Variants in CAMTA1 observed in about 807,000 individuals in gnomAD.
The protein encoded by CAMTA1 is calmodulin-binding transcription activator 1.
A neutral mutation model predicts 170.9 loss-of-function variants in CAMTA1; 27 were observed. The observed-to-expected ratio is 0.16, with a 90% confidence interval of 0.12 to 0.22. CAMTA1 has a LOEUF of 0.22. Ranked by LOEUF, CAMTA1 falls within the 10% of genes least tolerant of loss-of-function variation. The probability of loss-of-function intolerance (pLI) is 1.00; values close to 1 mark genes in which losing one functional copy is unlikely to be tolerated. For synonymous variants in CAMTA1, 833 were observed against 891.5 expected (o/e 0.93, Z 1.17); for missense variants, 1,619 against 2,217.2 (o/e 0.73, Z 5.42).
chr1:7,311,837 G>A (rs545796820), intron 5 of CAMTA1, among the ~76,000 whole-genome samples: 4 of 152,278 alleles, frequency 2.6e-5, no homozygotes, highest in African/African-American at 9.6e-5. Context: ...CTGTGTGTGG[G>A]ACCTAGGGGC....
intron 11 of CAMTA1, among the ~76,000 whole-genome samples, chr1:7,718,256 C>T (rs147545506): frequency 2.7e-5 from 4 of 145,702 alleles, no homozygotes; most frequent in African/African-American, 1.1e-4. Context: ...ACACAGTGGG[C>T]GTTCCGTAAA....
At chr1:6,796,611 T>C (rs975862784) in intron 1 of CAMTA1, among the ~76,000 whole-genome samples, 10 of 152,244 alleles carry the variant, frequency 6.6e-5, no homozygotes, top group African/African-American at 2.4e-4. Flanking sequence ...AACTTCATTG[T>C]TTGATACTTT....
intron 5 of CAMTA1, among the ~76,000 whole-genome samples, chr1:7,453,799 G>A (rs1322448094): frequency 6.6e-6 from 1 of 152,258 alleles, no homozygotes; most frequent in Non-Finnish European, 1.5e-5. Flanking sequence ...CCTGAGGGAG[G>A]GAAGGAAAGG....
rs1226893759 is a variant in CAMTA1 at position 7,203,901 on chromosome 1, G to A, written c.303-45590G>A. Among the ~76,000 whole-genome samples the A allele has an allele frequency of 5.5e-4, 82 of 149,390 alleles. 1 individual carries two copies. The highest frequency in any genetic ancestry group is 5.3e-3 in the Admixed American group (80 of 15,004). On this transcript the variant is annotated intron_variant, in intron 4 of 22. Transcript: ENST00000303635. The stretch of plus-strand genomic sequence containing the variant: ...GGCTGGAGTGCAGTGGCGTGATCTC[G>A]GCTCACTGCAAGCTCCGCCTCCCGG...
chr1:7,569,001 C>T (rs1234701950), intron 6 of CAMTA1, among the ~76,000 whole-genome samples: 1 of 151,228 alleles, frequency 6.6e-6, no homozygotes, highest in Non-Finnish European at 1.5e-5. Context: ...TCATCATGAT[C>T]CCTATCACCA....
chr1:7,403,175 A>G (rs1360398498), intron 5 of CAMTA1, among the ~76,000 whole-genome samples: 1 of 152,134 alleles, frequency 6.6e-6, no homozygotes, highest in Non-Finnish European at 1.5e-5. Flanking sequence ...CAACATGGCA[A>G]AACCCCGTCT....
chr1:7,222,219 G>C (rs74051198), intron 4 of CAMTA1, among the ~76,000 whole-genome samples: 14,349 of 152,182 alleles, frequency 0.094, 1,951 homozygotes, highest in African/African-American at 0.3. Flanking sequence ...CATGAGCATT[G>C]TGTCAGACAG....
chr1:7,115,970 C>T (rs1644306843), intron 4 of CAMTA1, among the ~76,000 whole-genome samples: 1 of 152,200 alleles, frequency 6.6e-6, no homozygotes, highest in Non-Finnish European at 1.5e-5. Context: ...GAAGCACCCT[C>T]ATCCACACAT....
intron 5 of CAMTA1, among the ~76,000 whole-genome samples, chr1:7,366,763 G>C (rs1029109157): frequency 6.6e-6 from 1 of 152,364 alleles, no homozygotes; most frequent in South Asian, 2.1e-4. Flanking sequence ...GCGTTGACAG[G>C]AGACTGCAGG....
At position 7,752,543 on chromosome 1, in the gene CAMTA1, T is replaced by C. The variant is rs761556283; in HGVS notation, c.4958+10T>C. The C allele has an allele frequency of 1.3e-6, 2 of 1,591,548 alleles. No homozygotes were observed. Among genetic ancestry groups the C allele is most frequent in the Non-Finnish European group, 1.7e-6 (2 of 1,168,500 alleles). On this transcript the variant is annotated intron_variant, in intron 21 of 22. Coordinates refer to ENST00000303635, the MANE Select transcript of CAMTA1 (RefSeq NM_015215.4). ...GCCGCTGTCGCCACAGGTACACTAG[T>C]CCTTGTTTATACATTCTGCTCAGGG...
At chr1:6,985,231 G>A (rs1251546115) in intron 3 of CAMTA1, among the ~76,000 whole-genome samples, 1 of 152,208 alleles carries the variant, frequency 6.6e-6, no homozygotes, top group Non-Finnish European at 1.5e-5. Flanking sequence ...GTAGCTACGG[G>A]GGCCCCTCAG....
intron 5 of CAMTA1, among the ~76,000 whole-genome samples, chr1:7,407,155 G>T (rs1043309291): frequency 6.6e-5 from 10 of 152,344 alleles, no homozygotes; most frequent in African/African-American, 2.4e-4. Flanking sequence ...TCGCCGCTCG[G>T]CCCCATGCAT....
At chr1:7,136,171 A>T (rs1335529229) in intron 4 of CAMTA1, among the ~76,000 whole-genome samples, 1 of 152,150 alleles carries the variant, frequency 6.6e-6, no homozygotes, top group Non-Finnish European at 1.5e-5. Flanking sequence ...TCTTTCAGAC[A>T]GCTCCTCTTC....
chr1:7,144,837 T>C lies in CAMTA1; in HGVS notation c.302+53466T>C, dbSNP rs1364892201. 6.6e-6 allele frequency among the ~76,000 whole-genome samples: 1 copy of C among 152,220 alleles called. No homozygotes were observed. Among genetic ancestry groups the C allele is most frequent in the Non-Finnish European group, 1.5e-5 (1 of 68,042 alleles). On this transcript the variant is annotated intron_variant, in intron 4 of 22. Transcript: ENST00000303635. This position sits in a 1 kb window ranked among gnomAD's most constrained non-coding sequence, Gnocchi z 4.0. ...AGCCATTGAGAATGTTCCCTATAAT[T>C]TGAACAACCCTAAGAATTCAACTTT... is the stretch of plus-strand genomic sequence containing the variant.
At chr1:7,069,561 G>A (rs1459865277) in intron 3 of CAMTA1, among the ~76,000 whole-genome samples, 1 of 152,134 alleles carries the variant, frequency 6.6e-6, no homozygotes, top group African/African-American at 2.4e-5. Context: ...CGGACCGTTT[G>A]GGCCATCTGG....
chr1:6,957,825 C>T (rs1028027545), intron 3 of CAMTA1, among the ~76,000 whole-genome samples: 3 of 152,198 alleles, frequency 2.0e-5, no homozygotes, highest in Admixed American at 6.5e-5. Context: ...CATTATTCTG[C>T]CTGCCACAGG....
At chr1:7,320,185 G>A (rs1274061443) in intron 5 of CAMTA1, among the ~76,000 whole-genome samples, 2 of 152,120 alleles carry the variant, frequency 1.3e-5, no homozygotes, top group Non-Finnish European at 2.9e-5. Context: ...TCTTGCTCTT[G>A]ATCTCAAAAG....
At chr1:7,743,114 A>G (rs768268618) in intron 16 of CAMTA1, among the ~76,000 whole-genome samples, 19 of 152,290 alleles carry the variant, frequency 1.2e-4, no homozygotes, top group Non-Finnish European at 2.8e-4. Context: ...CGGCCTCACA[A>G]AAGTGCTGAG....
intron 3 of CAMTA1, among the ~76,000 whole-genome samples, chr1:7,074,995 C>T (rs934748402): frequency 2.0e-5 from 3 of 152,212 alleles, no homozygotes; most frequent in African/African-American, 4.8e-5. Context: ...ATGCCTCCTA[C>T]TTCAACTTTT....
Sources: allele counts gnomAD v4.1 joint callset (sites outside exome capture counted in the v4.1 genomes callset), GRCh38; gene constraint gnomAD v4.1.1; non-coding constraint Gnocchi (gnomAD v3.1); transcripts MANE v1.5; gene names NCBI Gene and HGNC (gene_info 2026-07-23, HGNC 2026-07-21).